Variants in PLCB4 observed in about 807,000 individuals in gnomAD.
PLCB4 encodes phospholipase C beta 4.
PLCB4 carries 77 observed loss-of-function variants against 178.8 expected under a neutral mutation model. That is an observed-to-expected ratio of 0.43 (90% CI 0.36 to 0.52). The LOEUF is 0.52. Ranked by LOEUF, PLCB4 falls within the 20% of genes least tolerant of loss-of-function variation. The probability of loss-of-function intolerance (pLI) is 0.00; values close to 1 mark genes in which losing one functional copy is unlikely to be tolerated. For synonymous variants in PLCB4, 496 were observed against 490.8 expected, an observed-to-expected ratio of 1.01 and a Z score of -0.14; for missense variants, 1,024 against 1,453.4, an observed-to-expected ratio of 0.70 and a Z score of 4.80.
At chr20:9,217,161 G>A (rs1015563599) in intron 2 of PLCB4, among the ~76,000 whole-genome samples, 8 of 152,306 alleles carry the variant, frequency 5.3e-5, no homozygotes, top group African/African-American at 1.9e-4. Flanking sequence ...TAGCAGCATT[G>A]TAGAGAGAGT....
Position 9,070,028 on chromosome 20 carries a change from GT to G in PLCB4, c.-135+831del, listed in dbSNP as rs11484188. ...TTTGGCCAGAATATTCAGGAAAGGT[GT>G]TTTTTTTTCCATATACGTAATACTT... On this transcript the variant is annotated intron_variant, in intron 1 of 39. Transcript: ENST00000378473. Among the ~76,000 whole-genome samples the G allele has an allele frequency of 2.0e-3, 296 of 150,814 alleles. 1 individual carries two copies. Among genetic ancestry groups the G allele is most frequent in the Non-Finnish European group, 2.3e-3 (156 of 67,638 alleles).
At chr20:9,318,348 G>T (rs1167881614) in intron 4 of PLCB4, among the ~76,000 whole-genome samples, 1 of 151,852 alleles carries the variant, frequency 6.6e-6, no homozygotes, top group Non-Finnish European at 1.5e-5. Flanking sequence ...AAATCATGCT[G>T]AATCGCTTCT....
intron 3 of PLCB4, among the ~76,000 whole-genome samples, chr20:9,292,954 G>A (rs756207005): frequency 1.3e-4 from 20 of 152,010 alleles, no homozygotes; most frequent in Admixed American, 1.0e-3. Context: ...TGGTACACAC[G>A]TGTAATCCCA....
Position 9,094,676 on chromosome 20 carries a change from T to A in PLCB4, c.-134-1611T>A, listed in dbSNP as rs192147819. Among the ~76,000 whole-genome samples the A allele has an allele frequency of 9.8e-5, 15 of 152,338 alleles. No individual in the cohort carries two copies. The East Asian group carries it at 2.9e-3, about 29-fold the overall frequency. On this transcript the variant is annotated intron_variant, in intron 1 of 39. Transcript: ENST00000378473. ...CCATCAGTGACCTCAACTGGATTGT[T>A]TTGAAACAAATCCATATTTGAAGCA...
intron 2 of PLCB4, among the ~76,000 whole-genome samples, chr20:9,164,758 G>A (rs996353825): frequency 1.3e-5 from 2 of 152,070 alleles, no homozygotes; most frequent in African/African-American, 4.8e-5. Context: ...TCTATTCTGT[G>A]GTTCTATCCT....
At chr20:9,335,551 T>C (rs1283539437) in intron 4 of PLCB4, among the ~76,000 whole-genome samples, 1 of 152,174 alleles carries the variant, frequency 6.6e-6, no homozygotes, top group Non-Finnish European at 1.5e-5. Context: ...GCTACCACTA[T>C]TACAAGTCTG....
chr20:9,362,218 G>A (rs1568654474), intron 7 of PLCB4, among the ~76,000 whole-genome samples: 1 of 152,180 alleles, frequency 6.6e-6, no homozygotes, highest in African/African-American at 2.4e-5. Flanking sequence ...TTCATGGGCT[G>A]AGCTTTTCTA....
intron 2 of PLCB4, among the ~76,000 whole-genome samples, chr20:9,157,627 AAAC>A (rs1869376902): frequency 6.6e-6 from 1 of 152,210 alleles, no homozygotes; most frequent in Non-Finnish European, 1.5e-5. Flanking sequence ...TTAAAAAATA[AAAC>A]AACAAAATGA....
chr20:9,263,231 G>A (rs1305534898), intron 3 of PLCB4, among the ~76,000 whole-genome samples: 1 of 152,180 alleles, frequency 6.6e-6, no homozygotes, highest in Non-Finnish European at 1.5e-5. Context: ...GCCATGGATA[G>A]CGTTGTGGAT....
At chr20:9,202,532 G>A (rs1054741686) in intron 2 of PLCB4, among the ~76,000 whole-genome samples, 2 of 152,018 alleles carry the variant, frequency 1.3e-5, no homozygotes, top group African/African-American at 2.4e-5. Context: ...GTGTGGCTTT[G>A]TCCTGCTTCA....
intron 3 of PLCB4, among the ~76,000 whole-genome samples, chr20:9,302,480 C>A (rs1473088414): frequency 6.6e-6 from 1 of 152,008 alleles, no homozygotes; most frequent in Non-Finnish European, 1.5e-5. Context: ...AGGAAGTTTT[C>A]CACAGATAGC....
Position 9,344,107 on chromosome 20 carries a change from C to T in PLCB4, c.369+5070C>T, listed in dbSNP as rs953636274. Among the ~76,000 whole-genome samples the T allele has an allele frequency of 2.6e-5, 4 of 152,328 alleles. No individual in the cohort carries two copies. In the East Asian group the frequency reaches 7.7e-4, roughly 29 times the overall value. The stretch of plus-strand genomic sequence containing the variant: ...CATCACTCCACTGCTCAGAACCCTC[C>T]AAGGCCCTGCTAGATATCATCCCCA... On this transcript the variant is annotated intron_variant, in intron 7 of 39. Transcript: ENST00000378473.
Position 9,164,681 on chromosome 20 carries a change from T to C in PLCB4, c.-78-52709T>C, listed in dbSNP as rs567670607. Reference sequence around the variant, plus strand: ...TTGTGTGAAGTAGTTTGTTCTTTAGTAGTCAAGTGGATGAATATATGCAGT... The same window carrying C: ...TTGTGTGAAGTAGTTTGTTCTTTAGCAGTCAAGTGGATGAATATATGCAGT... On this transcript the variant is annotated intron_variant, in intron 2 of 39. Coordinates refer to ENST00000378473, the MANE Select transcript of PLCB4 (RefSeq NM_001377142.1). Among the ~76,000 whole-genome samples, 3 of 152,358 alleles carry C rather than the reference T, an allele frequency of 2.0e-5. No homozygotes were observed. The East Asian group carries it at 5.8e-4, about 29-fold the overall frequency.
At chr20:9,092,891 T>C (rs1388121433) in intron 1 of PLCB4, among the ~76,000 whole-genome samples, 1 of 152,140 alleles carries the variant, frequency 6.6e-6, no homozygotes, top group East Asian at 1.9e-4. Flanking sequence ...AACTGTGTCA[T>C]GTGGCTATCC....
intron 30 of PLCB4, among the ~76,000 whole-genome samples, chr20:9,438,253 C>T (rs2041897655): frequency 6.6e-6 from 1 of 151,916 alleles, no homozygotes; most frequent in African/African-American, 2.4e-5. Flanking sequence ...GTAGTCCCAG[C>T]TGCTCAGGAG....
At chr20:9,166,756 C>A (rs562706827) in intron 2 of PLCB4, 1 of 152,134 alleles carries the variant, frequency 6.6e-6, no homozygotes, top group East Asian at 1.9e-4. Flanking sequence ...ATAGAGGGGG[C>A]AGTTTTGTTA....
At chr20:9,465,275 A>G (rs143340192) in intron 35 of PLCB4, among the ~76,000 whole-genome samples, 2,475 of 152,284 alleles carry the variant, frequency 0.016, 56 homozygotes, top group African/African-American at 0.057. Flanking sequence ...ATATTGATGG[A>G]ATGTATCTCA....
intron 4 of PLCB4, among the ~76,000 whole-genome samples, chr20:9,334,770 T>G (rs1397424331): frequency 6.6e-6 from 1 of 151,982 alleles, no homozygotes; most frequent in Non-Finnish European, 1.5e-5. Flanking sequence ...ATATTTGACT[T>G]TGCAAAGAAG....
intron 32 of PLCB4, among the ~76,000 whole-genome samples, chr20:9,450,592 C>G (rs542532534): frequency 6.6e-6 from 1 of 151,334 alleles, no homozygotes; most frequent in African/African-American, 2.4e-5. Context: ...AACCTTGCAT[C>G]TCATAAGCAA....
Sources: allele counts gnomAD v4.1 joint callset (sites outside exome capture counted in the v4.1 genomes callset), GRCh38; gene constraint gnomAD v4.1.1; transcripts MANE v1.5; gene names NCBI Gene and HGNC (gene_info 2026-07-23, HGNC 2026-07-21).